WASL: variants seen among roughly 807,000 people sequenced by gnomAD.
WASL encodes the protein WASP like actin nucleation promoting factor.
In WASL, 20 loss-of-function variants were observed where a neutral mutation model predicts 55.5. That is an observed-to-expected ratio of 0.36 (90% CI 0.25 to 0.52). The LOEUF is 0.52. WASL is among the 20% of genes least tolerant of loss of function. WASL has a pLI of 0.92. For synonymous variants in WASL, 249 were observed against 217.6 expected (o/e 1.14, Z -1.27); for missense variants, 504 against 622.5 (o/e 0.81, Z 2.03).
intron 5 of WASL, among the ~76,000 whole-genome samples, chr7:123,699,335 G>A (rs772116874): frequency 1.8e-4 from 28 of 152,028 alleles, no homozygotes; most frequent in Non-Finnish European, 3.5e-4. Flanking sequence ...CTGAGATTGC[G>A]CCACTGACTC....
intron 1 of WASL, among the ~76,000 whole-genome samples, chr7:123,744,501 G>C (rs1352643429): frequency 1.3e-5 from 2 of 152,026 alleles, no homozygotes; most frequent in South Asian, 4.1e-4. Flanking sequence ...AAATAAGCAA[G>C]TTAAAACAAG....
At chr7:123,720,815 T>G (rs970153227) in intron 1 of WASL, among the ~76,000 whole-genome samples, 1 of 152,064 alleles carries the variant, frequency 6.6e-6, no homozygotes, top group Non-Finnish European at 1.5e-5. Context: ...TGTGGGATTT[T>G]TAAACCATGT....
At chr7:123,709,540 A>AT (rs929989709) in intron 1 of WASL, among the ~76,000 whole-genome samples, 1 of 152,106 alleles carries the variant, frequency 6.6e-6, no homozygotes, top group African/African-American at 2.4e-5. Context: ...TGATAACTTC[A>AT]TTTTTTACTT....
intron 1 of WASL, among the ~76,000 whole-genome samples, chr7:123,733,568 T>C (rs13230338): frequency 0.43 from 65,770 of 151,958 alleles, 14,786 homozygotes; most frequent in South Asian, 0.66. Context: ...AATGGATCTA[T>C]AGATTCAATA....
At chr7:123,702,226 T>G (rs1562959385) in intron 5 of WASL, among the ~76,000 whole-genome samples, 1 of 152,034 alleles carries the variant, frequency 6.6e-6, no homozygotes, top group African/African-American at 2.4e-5. Flanking sequence ...CAGCTAATTT[T>G]TGTACTTTTA....
rs1803235343 is a variant in WASL at position 123,683,466 on chromosome 7, C to T, written c.*1053G>A. 1 of 151,862 alleles carries T rather than the reference C, an allele frequency of 6.6e-6. No individual in the cohort carries two copies. Among genetic ancestry groups the T allele is most frequent in the Non-Finnish European group, 1.5e-5 (1 of 67,926 alleles). The allele number at this position is 151,862 out of a possible 1,614,324, so 9.4% of individuals were successfully genotyped here. ...TAAGAAAAATGTAACTCTTCACATG[C>T]TATTTGACAAAAACCCTCAAAAGTT... On this transcript the variant is annotated 3_prime_UTR_variant, in exon 11 of 11. Coordinates refer to ENST00000223023, the MANE Select transcript of WASL (RefSeq NM_003941.4).
chr7:123,716,406 G>A (rs1270058197), intron 1 of WASL, among the ~76,000 whole-genome samples: 4 of 151,936 alleles, frequency 2.6e-5, no homozygotes, highest in African/African-American at 9.7e-5. Context: ...GTAGAGATGG[G>A]GTTTCAGCAT....
Position 123,682,825 on chromosome 7 carries a change from A to C in WASL, c.*1694T>G, listed in dbSNP as rs1803219092. On this transcript the variant is annotated 3_prime_UTR_variant, in exon 11 of 11. Coordinates refer to ENST00000223023, the MANE Select transcript of WASL (RefSeq NM_003941.4). ...TAAGTAGAAAAAGGTTTCTAGCAGC[A>C]GAGGGCACTGTTGTTGCAAGAAACA... The C allele has an allele frequency of 6.6e-6, 1 of 152,150 alleles. No homozygotes were observed. The highest frequency in any genetic ancestry group is 2.4e-5 in the African/African-American group (1 of 41,448). 9.4% of individuals were successfully genotyped at this position (152,150 alleles called of 1,614,324 possible).
At chr7:123,739,492 A>T (rs1316379765) in intron 1 of WASL, among the ~76,000 whole-genome samples, 1 of 152,168 alleles carries the variant, frequency 6.6e-6, no homozygotes, top group Non-Finnish European at 1.5e-5. Flanking sequence ...GTACCCATGC[A>T]ACCATTTAGT....
intron 1 of WASL, among the ~76,000 whole-genome samples, chr7:123,727,120 C>T (rs1044438958): frequency 1.1e-4 from 16 of 151,924 alleles, no homozygotes; most frequent in African/African-American, 3.6e-4. Flanking sequence ...TAATGAAAAG[C>T]CACACTGAGA....
At chr7:123,702,812 C>G (rs117205528) in intron 5 of WASL, among the ~76,000 whole-genome samples, 2 of 152,124 alleles carry the variant, frequency 1.3e-5, no homozygotes. Flanking sequence ...TGAGTATCAA[C>G]GAAGTTTTGT....
intron 1 of WASL, among the ~76,000 whole-genome samples, chr7:123,728,023 G>C (rs186956133): frequency 6.6e-6 from 1 of 152,126 alleles, no homozygotes; most frequent in Non-Finnish European, 1.5e-5. Context: ...TTACAAGGGA[G>C]ACAAGAAAGC....
chr7:123,688,256 A>C lies in WASL; in HGVS notation c.1456+786T>G, dbSNP rs142998063. The stretch of plus-strand genomic sequence containing the variant: ...AAAATGAAAAAGAAAGGTTTAAAAA[A>C]AGTTAGTATTCTTTAGCAAACTCTA... On this transcript the variant is annotated intron_variant, in intron 10 of 10. Coordinates refer to ENST00000223023, the MANE Select transcript of WASL (RefSeq NM_003941.4). 5.0e-3 allele frequency among the ~76,000 whole-genome samples: 769 copies of C among 152,328 alleles called. 11 individuals are homozygous for C. Among genetic ancestry groups the C allele is most frequent in the African/African-American group, 0.017 (726 of 41,568 alleles).
In WASL at chr7:123,682,864, C is replaced by T. The variant is rs1803220265; in HGVS notation, c.*1655G>A. 1 of 152,090 alleles carries T rather than the reference C, an allele frequency of 6.6e-6. No individual in the cohort carries two copies. Among genetic ancestry groups the T allele is most frequent in the Non-Finnish European group, 1.5e-5 (1 of 67,998 alleles). 9.4% of individuals were successfully genotyped at this position (152,090 alleles called of 1,614,324 possible). On this transcript the variant is annotated 3_prime_UTR_variant, in exon 11 of 11. Coordinates refer to ENST00000223023, the MANE Select transcript of WASL (RefSeq NM_003941.4). The stretch of plus-strand genomic sequence containing the variant: ...TTGCAAGAAACAAAAAGTCTAGAAT[C>T]TTTCCCATGTGCTTAAATTACTCTT...
chr7:123,704,792 A>T (rs1803642273), intron 4 of WASL, 135 bp from the exon 5 acceptor site: 1 of 492,650 alleles, frequency 2.0e-6, no homozygotes. Context: ...AGAAGACCCG[A>T]CATTTAAGTA....
In WASL at chr7:123,697,425, C is replaced by A. The variant is rs974037683; in HGVS notation, c.461-678G>T. Among the ~76,000 whole-genome samples the A allele has an allele frequency of 6.6e-4, 101 of 152,138 alleles. 1 individual carries two copies. The highest frequency in any genetic ancestry group is 2.4e-3 in the African/African-American group (98 of 41,446). On this transcript the variant is annotated intron_variant, in intron 5 of 10. Coordinates refer to ENST00000223023, the MANE Select transcript of WASL (RefSeq NM_003941.4). The stretch of plus-strand genomic sequence containing the variant: ...ATTAATAGTATCTTCAGAAGTGGTA[C>A]TAAATGTAGCAGAAAACTTGTCTTA...
intron 1 of WASL, among the ~76,000 whole-genome samples, chr7:123,725,071 C>T (rs1171086591): frequency 6.6e-6 from 1 of 152,196 alleles, no homozygotes; most frequent in Admixed American, 6.5e-5. Flanking sequence ...AGTCAACGTA[C>T]ATTTTTAAAA....
At chr7:123,729,254 T>C (rs1804101414) in intron 1 of WASL, among the ~76,000 whole-genome samples, 1 of 152,182 alleles carries the variant, frequency 6.6e-6, no homozygotes, top group African/African-American at 2.4e-5. Context: ...TGAAATAGTT[T>C]ACATTTTTTT....
chr7:123,722,065 T>C (rs1052392344), intron 1 of WASL, among the ~76,000 whole-genome samples: 1 of 152,060 alleles, frequency 6.6e-6, no homozygotes, highest in African/African-American at 2.4e-5. Flanking sequence ...TTGCTTTTGC[T>C]CTCTGGAGCT....
Sources: allele counts gnomAD v4.1 joint callset (sites outside exome capture counted in the v4.1 genomes callset), GRCh38; gene constraint gnomAD v4.1.1; transcripts MANE v1.5; gene names NCBI Gene and HGNC (gene_info 2026-07-23, HGNC 2026-07-21).